The following SGCZ variants were observed in gnomAD, a reference collection of about 807,000 sequenced individuals.
The protein encoded by SGCZ is zeta-sarcoglycan.
A neutral mutation model predicts 41.3 loss-of-function variants in SGCZ; 40 were observed. The observed-to-expected ratio is 0.97, with a 90% confidence interval of 0.75 to 1.26. SGCZ has a LOEUF of 1.26. SGCZ is among the 50% of genes most tolerant of loss of function. The pLI is 0.00. For synonymous variants in SGCZ, 206 were observed against 137.5 expected, an observed-to-expected ratio of 1.50 and a Z score of -3.49; for missense variants, 552 against 369.8, an observed-to-expected ratio of 1.49 and a Z score of -4.04.
chr8:14,655,235 C>T (rs1033513977), intron 1 of SGCZ, among the ~76,000 whole-genome samples: 1 of 152,012 alleles, frequency 6.6e-6, no homozygotes, highest in African/African-American at 2.4e-5. Context: ...AGTTTTTCCA[C>T]TGTCGTCTTT....
intron 1 of SGCZ, among the ~76,000 whole-genome samples, chr8:14,638,871 A>C (rs1806922783): frequency 1.3e-5 from 2 of 151,782 alleles, no homozygotes; most frequent in Non-Finnish European, 1.5e-5. Flanking sequence ...AATAGGCATA[A>C]AATCATGTGT....
intron 1 of SGCZ, among the ~76,000 whole-genome samples, chr8:14,970,599 A>T (rs1306352017): frequency 6.6e-6 from 1 of 152,128 alleles, no homozygotes; most frequent in African/African-American, 2.4e-5. Context: ...TTCTGCTGAA[A>T]ATCGGTTGTT....
chr8:14,461,189 C>G (rs1800892127), intron 2 of SGCZ, among the ~76,000 whole-genome samples: 1 of 152,076 alleles, frequency 6.6e-6, no homozygotes, highest in African/African-American at 2.4e-5. Context: ...TCCTACATTC[C>G]TTGTAGACAC....
intron 2 of SGCZ, among the ~76,000 whole-genome samples, chr8:14,422,144 A>G (rs1799653412): frequency 6.6e-6 from 1 of 152,212 alleles, no homozygotes; most frequent in African/African-American, 2.4e-5. Context: ...GAAAACACAA[A>G]TCTATCTAAA....
intron 3 of SGCZ, among the ~76,000 whole-genome samples, chr8:14,312,034 G>C (rs1801564102): frequency 6.6e-6 from 1 of 152,104 alleles, no homozygotes; most frequent in African/African-American, 2.4e-5. Flanking sequence ...TACTGAATGA[G>C]TTATTTTAGT....
At chr8:15,210,940 C>T (rs1179114887) in intron 1 of SGCZ, among the ~76,000 whole-genome samples, 2 of 151,890 alleles carry the variant, frequency 1.3e-5, no homozygotes, top group Non-Finnish European at 2.9e-5. Flanking sequence ...TCTTCTATTG[C>T]CTTTGCCTAG....
intron 1 of SGCZ, among the ~76,000 whole-genome samples, chr8:14,983,443 G>A (rs1461518060): frequency 2.6e-5 from 4 of 151,806 alleles, no homozygotes; most frequent in African/African-American, 4.8e-5. Context: ...GCAGTGGTGC[G>A]ATCTTGGCTC....
chr8:14,290,543 C>G (rs1209047500), intron 3 of SGCZ, among the ~76,000 whole-genome samples: 1 of 152,088 alleles, frequency 6.6e-6, no homozygotes, highest in East Asian at 1.9e-4. Context: ...ATAGACATTT[C>G]TCAAAAGAAG....
intron 3 of SGCZ, among the ~76,000 whole-genome samples, chr8:14,281,199 T>C (rs1048794002): frequency 3.1e-4 from 47 of 151,976 alleles, no homozygotes; most frequent in African/African-American, 8.9e-4. Context: ...TGAGACTTAG[T>C]TTCTACTCTA....
chr8:14,246,484 A>T (rs1799095157), intron 3 of SGCZ, among the ~76,000 whole-genome samples: 1 of 152,020 alleles, frequency 6.6e-6, no homozygotes, highest in African/African-American at 2.4e-5. Flanking sequence ...ATTAGGAGAT[A>T]TACCTAATGC....
chr8:14,827,101 T>C (rs62493312), intron 1 of SGCZ, among the ~76,000 whole-genome samples: 388 of 152,130 alleles, frequency 2.6e-3, no homozygotes, highest in Middle Eastern at 0.014. Flanking sequence ...GTTAGACATA[T>C]CTTTCTTAAG....
intron 2 of SGCZ, among the ~76,000 whole-genome samples, chr8:14,444,687 A>C (rs1198480274): frequency 1.3e-5 from 2 of 151,332 alleles, no homozygotes; most frequent in Non-Finnish European, 3.0e-5. Context: ...GGGGAGGGAT[A>C]GCTTTAGGAG....
chr8:14,406,805 T>C (rs1336857604), intron 2 of SGCZ, among the ~76,000 whole-genome samples: 1 of 152,044 alleles, frequency 6.6e-6, no homozygotes, highest in African/African-American at 2.4e-5. Flanking sequence ...TAATTAAAAG[T>C]GGGTATAAAT....
chr8:15,160,099 T>C (rs1282780483), intron 1 of SGCZ, among the ~76,000 whole-genome samples: 1 of 152,146 alleles, frequency 6.6e-6, no homozygotes, highest in East Asian at 1.9e-4. Context: ...TACATTCACA[T>C]TGTTGTATAA....
chr8:14,540,599 G>T (rs558741876), intron 2 of SGCZ, among the ~76,000 whole-genome samples: 1 of 151,652 alleles, frequency 6.6e-6, no homozygotes, highest in African/African-American at 2.4e-5. Flanking sequence ...CTATATTTTA[G>T]TGTATGCAAC....
chr8:15,154,116 C>A (rs12548485), intron 1 of SGCZ, among the ~76,000 whole-genome samples: 1 of 151,940 alleles, frequency 6.6e-6, no homozygotes, highest in African/African-American at 2.4e-5. Flanking sequence ...GCATGTGGCC[C>A]GGTTCCTAAC....
chr8:14,489,230 G>T (rs1054872665), intron 2 of SGCZ, among the ~76,000 whole-genome samples: 2 of 151,686 alleles, frequency 1.3e-5, no homozygotes, highest in Non-Finnish European at 2.9e-5. Flanking sequence ...AATTAGAACG[G>T]GAACAACGAT....
At chr8:14,732,021 T>C (rs536318340) in intron 1 of SGCZ, among the ~76,000 whole-genome samples, 2 of 152,272 alleles carry the variant, frequency 1.3e-5, no homozygotes, top group African/African-American at 4.8e-5. Context: ...GGAATCTCAA[T>C]CCTAACCGTG....
intron 6 of SGCZ, among the ~76,000 whole-genome samples, chr8:14,104,416 G>A (rs1163007188): frequency 8.7e-6 from 1 of 115,382 alleles, no homozygotes; most frequent in Non-Finnish European, 1.9e-5. Context: ...AAGGTGTTAT[G>A]CAACTATCAA....
Sources: gnomAD v4.1 joint callset for allele counts (sites outside exome capture counted in the v4.1 genomes callset) on GRCh38, gnomAD v4.1.1 for gene constraint, MANE v1.5 for transcripts, NCBI Gene and HGNC (gene_info 2026-07-23, HGNC 2026-07-21) for gene names.